FERMT1: variants seen among roughly 807,000 people sequenced by gnomAD.
FERMT1 encodes FERM domain containing kindlin 1, also known as fermitin family homolog 1.
Under a neutral mutation model 85.3 loss-of-function variants are expected in FERMT1, and 60 were observed. The ratio of observed to expected loss-of-function variants is 0.70; its 90% confidence interval spans 0.57 to 0.87. FERMT1 has a LOEUF of 0.87. Ranked by LOEUF, FERMT1 falls within the 40% of genes least tolerant of loss-of-function variation. FERMT1 has a pLI of 0.00. For synonymous variants in FERMT1, 275 were observed against 301.1 expected (o/e 0.91, Z 0.90); for missense variants, 701 against 818.9 (o/e 0.86, Z 1.76).
chr20:6,092,954 CTTTTA>C (rs940276142), intron 9 of FERMT1, among the ~76,000 whole-genome samples: 4 of 151,660 alleles, frequency 2.6e-5, no homozygotes, highest in South Asian at 2.1e-4. Flanking sequence ...ATTTATAATT[CTTTTA>C]TTTTATCTAG....
Position 6,096,955 on chromosome 20 carries a change from C to T in FERMT1, c.1036G>A (p.Ala346Thr), listed in dbSNP as rs1280938926. Residue 346 changes from alanine to threonine, a missense_variant, in exon 8 of 15, where the codon GCG (alanine) becomes ACG (threonine). By Grantham distance (58) the Ala-to-Thr change is moderately conservative. Coordinates refer to ENST00000217289, the MANE Select transcript of FERMT1 (RefSeq NM_017671.5). ...GESEVDEIEA[A>T]LSNLEVTLEG... Reference sequence around the variant, plus strand: ...AGGGTTACTTCCAAATTAGAAAGCGCCGCTTCTATTTCATCAACCTCGGAC... The same window carrying T: ...AGGGTTACTTCCAAATTAGAAAGCGTCGCTTCTATTTCATCAACCTCGGAC... 5 of 1,614,010 alleles carry T rather than the reference C, an allele frequency of 3.1e-6. No homozygotes were observed. In the East Asian group the frequency reaches 8.9e-5, roughly 29 times the overall value.
intron 9 of FERMT1, among the ~76,000 whole-genome samples, chr20:6,093,842 G>A (rs906137890): frequency 9.2e-5 from 14 of 152,196 alleles, no homozygotes; most frequent in African/African-American, 3.1e-4. Context: ...TGTAATCCCA[G>A]CTACTCGGGA....
rs569764632 is a variant in FERMT1, at chr20:6,083,701, A to C, written c.1718+339T>G. Reference sequence around the variant, plus strand: ...CCCCACACCCGATCTCTTAAAAAAAAAAAACAAAAAAAAAAAAACCGAAAA... The same window carrying C: ...CCCCACACCCGATCTCTTAAAAAAACAAAACAAAAAAAAAAAAACCGAAAA... On this transcript the variant is annotated intron_variant, in intron 13 of 14. Transcript: ENST00000217289. Among the ~76,000 whole-genome samples the C allele has an allele frequency of 3.7e-4, 55 of 150,078 alleles. 1 individual carries two copies. Among genetic ancestry groups the C allele is most frequent in the Admixed American group, 1.7e-3 (26 of 15,122 alleles).
intron 11 of FERMT1, among the ~76,000 whole-genome samples, chr20:6,087,065 T>C (rs1287345211): frequency 6.6e-6 from 1 of 152,156 alleles, no homozygotes; most frequent in Non-Finnish European, 1.5e-5. Context: ...GAAGTGACAG[T>C]GTGCCAACTT....
chr20:6,091,937 A>T (rs1227872311), intron 9 of FERMT1, among the ~76,000 whole-genome samples: 1 of 142,428 alleles, frequency 7.0e-6, no homozygotes, highest in Non-Finnish European at 1.5e-5. Context: ...TCTCGTTAGA[A>T]TTTTTTTTTT....
intron 5 of FERMT1, among the ~76,000 whole-genome samples, chr20:6,109,408 G>A (rs1982883983): frequency 6.6e-6 from 1 of 152,224 alleles, no homozygotes; most frequent in South Asian, 2.1e-4. Context: ...GGCGGCACGG[G>A]GCCATGGGAG....
At chr20:6,100,684 C>CT (rs1982638615) in intron 6 of FERMT1, among the ~76,000 whole-genome samples, 4 of 152,114 alleles carry the variant, frequency 2.6e-5, no homozygotes, top group Admixed American at 1.3e-4. Flanking sequence ...TGAGGGAATA[C>CT]TTTCTGTAAT....
intron 5 of FERMT1, among the ~76,000 whole-genome samples, chr20:6,108,167 C>T (rs977533319): frequency 3.3e-5 from 5 of 152,106 alleles, no homozygotes; most frequent in South Asian, 2.1e-4. Context: ...TGCACGGCCT[C>T]GCTGAAGCAT....
chr20:6,085,579 G>A lies in FERMT1; in HGVS notation c.1372-292C>T, dbSNP rs528134819. Among the ~76,000 whole-genome samples, 17 of 152,300 alleles carry A rather than the reference G, an allele frequency of 1.1e-4. No homozygotes were observed. The South Asian group carries it at 2.1e-3, about 19-fold the overall frequency. On this transcript the variant is annotated intron_variant, in intron 11 of 14. Coordinates refer to ENST00000217289, the MANE Select transcript of FERMT1 (RefSeq NM_017671.5). ...TAAAGATGATCCAAGGGCCAGGTGC[G>A]GTGGCTCATGCCTGTCATCCTCAAC...
At chr20:6,122,207 T>G (rs1211398341) in intron 1 of FERMT1, among the ~76,000 whole-genome samples, 1 of 152,192 alleles carries the variant, frequency 6.6e-6, no homozygotes, top group Non-Finnish European at 1.5e-5. Flanking sequence ...CTGCATTCCT[T>G]TCCTATCTTT....
At position 6,115,851 on chromosome 20, in the gene FERMT1, A is replaced by G. The variant is rs1487460957; in HGVS notation, c.345T>C (p.Ala115=). The change falls in exon 3 of 15, where the codon GCT becomes GCC. Residue 115 remains alanine (A), a synonymous_variant. Transcript: ENST00000217289. The stretch of plus-strand genomic sequence containing the variant: ...TATCACTGACAGCTTTAAAAACCAC[A>G]GCTGAGAAGCTGACTCGCAACCTCA... ...KMVRLRVSFS[A]VVFKAVSDIC... is the part of the protein sequence containing the mutation. 1 of 1,614,084 alleles carries G rather than the reference A, an allele frequency of 6.2e-7. No individual in the cohort carries two copies. The highest frequency in any genetic ancestry group is 1.3e-5 in the African/African-American group (1 of 74,930).
At chr20:6,121,224 G>A (rs182647084) in intron 1 of FERMT1, among the ~76,000 whole-genome samples, 1 of 151,754 alleles carries the variant, frequency 6.6e-6, no homozygotes, top group African/African-American at 2.4e-5. Context: ...CCGGGTTCAA[G>A]CAATTCTCTG....
intron 6 of FERMT1, among the ~76,000 whole-genome samples, chr20:6,106,687 C>T (rs761901343): frequency 6.6e-6 from 1 of 152,190 alleles, no homozygotes; most frequent in Non-Finnish European, 1.5e-5. Context: ...TAATAGACTT[C>T]AGGGGGAGAT....
chr20:6,082,458 C>T (rs1982023914), intron 13 of FERMT1, among the ~76,000 whole-genome samples: 1 of 152,172 alleles, frequency 6.6e-6, no homozygotes, highest in African/African-American at 2.4e-5. Context: ...GCGGGGTTGA[C>T]TTCAGGGTTA....
chr20:6,078,410 GA>G (rs1386596182), intron 14 of FERMT1, among the ~76,000 whole-genome samples: 1 of 152,182 alleles, frequency 6.6e-6, no homozygotes, highest in Non-Finnish European at 1.5e-5. Context: ...CTTTCTATTG[GA>G]AAATGAGAAT....
chr20:6,076,712 A>T lies in FERMT1; in HGVS notation c.*461T>A, dbSNP rs1981833270. Reference sequence around the variant, plus strand: ...GCCATTTTGAAAAGACAGGAGCTAAAAGCAGTTCCATGAAGGACAGGCGTT... The same window carrying T: ...GCCATTTTGAAAAGACAGGAGCTAATAGCAGTTCCATGAAGGACAGGCGTT... On this transcript the variant is annotated 3_prime_UTR_variant, in exon 15 of 15. Coordinates refer to ENST00000217289, the MANE Select transcript of FERMT1 (RefSeq NM_017671.5). 1 of 329,450 alleles carries T rather than the reference A, an allele frequency of 3.0e-6. No homozygotes were observed. 20.4% of individuals were successfully genotyped at this position (329,450 alleles called of 1,614,324 possible). A position where few individuals can be genotyped will look rare whatever the true frequency, so the allele number is the denominator to read the frequency against.
At chr20:6,098,643 A>T (rs1177022728) in intron 6 of FERMT1, among the ~76,000 whole-genome samples, 1 of 152,078 alleles carries the variant, frequency 6.6e-6, no homozygotes, top group Non-Finnish European at 1.5e-5. Flanking sequence ...CAACACTATA[A>T]ACAGTGTTGA....
At chr20:6,111,550 T>C (rs1025215646) in intron 4 of FERMT1, among the ~76,000 whole-genome samples, 1 of 152,086 alleles carries the variant, frequency 6.6e-6, no homozygotes, top group African/African-American at 2.4e-5. Flanking sequence ...GAGAATCACT[T>C]GAGCCCGGGA....
chr20:6,113,100 G>T lies in FERMT1; in HGVS notation c.386-477C>A, dbSNP rs187732696. ...CCAGTGGGAGGTAATTGAATCATGG[G>T]GGCAGGTCTTTCCTGTGCTGTTCTC... On this transcript the variant is annotated intron_variant, in intron 3 of 14. Transcript: ENST00000217289. Among the ~76,000 whole-genome samples, 213 of 152,146 alleles carry T rather than the reference G, an allele frequency of 1.4e-3. 1 individual carries two copies. Among genetic ancestry groups the T allele is most frequent in the Non-Finnish European group, 2.4e-3 (162 of 68,002 alleles).
Sources: allele counts gnomAD v4.1 joint callset (sites outside exome capture counted in the v4.1 genomes callset), GRCh38; gene constraint gnomAD v4.1.1; transcripts MANE v1.5; gene names NCBI Gene and HGNC (gene_info 2026-07-23, HGNC 2026-07-21).